TTLL7: variants seen among roughly 807,000 people sequenced by gnomAD.
The protein encoded by TTLL7 is tubulin polyglutamylase TTLL7.
In TTLL7, 53 loss-of-function variants were observed where a neutral mutation model predicts 120.2. That is an observed-to-expected ratio of 0.44 (90% CI 0.35 to 0.55). TTLL7 has a LOEUF of 0.55. TTLL7 is among the 20% of genes least tolerant of loss of function. TTLL7 has a pLI of 0.00. For missense variants in TTLL7, 803 were observed against 1,054.7 expected, an observed-to-expected ratio of 0.76 and a Z score of 3.31; for synonymous variants, 353 against 351.7, an observed-to-expected ratio of 1.00 and a Z score of -0.04.
Position 83,990,573 on chromosome 1 carries a change from A to G in TTLL7, c.-177+8358T>C, listed in dbSNP as rs576476414. On this transcript the variant is annotated intron_variant, in intron 1 of 20. Coordinates refer to ENST00000260505, the MANE Select transcript of TTLL7 (RefSeq NM_024686.6). ...CTAATGCCTTGAATAGAAAGAGGAT[A>G]TACAAATGACCAATAAGCAAATGAA... 9.8e-5 allele frequency among the ~76,000 whole-genome samples: 15 copies of G among 152,392 alleles called. 1 individual carries two copies. In the East Asian group the frequency reaches 2.9e-3, roughly 29 times the overall value.
intron 1 of TTLL7, among the ~76,000 whole-genome samples, chr1:83,961,995 T>G (rs904895448): frequency 6.6e-6 from 1 of 152,100 alleles, no homozygotes; most frequent in Admixed American, 6.6e-5. Flanking sequence ...GAGTTGAAAC[T>G]TAGGGTCTGT....
At chr1:83,923,388 A>C (rs1399379297) in intron 10 of TTLL7, among the ~76,000 whole-genome samples, 1 of 152,020 alleles carries the variant, frequency 6.6e-6, no homozygotes, top group South Asian at 2.1e-4. Flanking sequence ...GGAAGCAAAA[A>C]AAGGGAATGA....
At chr1:83,974,026 T>C (rs1459725597) in intron 1 of TTLL7, among the ~76,000 whole-genome samples, 1 of 152,030 alleles carries the variant, frequency 6.6e-6, no homozygotes, top group African/African-American at 2.4e-5. Flanking sequence ...ACTCTATATA[T>C]GTTTTACCTC....
chr1:83,924,117 G>A (rs1048409041), intron 10 of TTLL7, among the ~76,000 whole-genome samples: 1 of 152,040 alleles, frequency 6.6e-6, no homozygotes, highest in African/African-American at 2.4e-5. Context: ...TATGGCCCTG[G>A]GGATACAAAA....
intron 18 of TTLL7, among the ~76,000 whole-genome samples, chr1:83,891,852 A>T (rs1655503577): frequency 6.6e-6 from 1 of 151,542 alleles, no homozygotes; most frequent in Admixed American, 6.6e-5. Flanking sequence ...TTTTGAGGCA[A>T]GGTCTCGCTC....
intron 20 of TTLL7, among the ~76,000 whole-genome samples, chr1:83,872,107 C>T (rs190040931): frequency 3.1e-4 from 47 of 152,112 alleles, no homozygotes; most frequent in Admixed American, 1.2e-3. Context: ...TCAAACTATA[C>T]GCAGCATTCA....
At position 83,921,099 on chromosome 1, in the gene TTLL7, A is replaced by G. The variant is rs1658613639; in HGVS notation, c.1352T>C (p.Met451Thr). 6.2e-7 allele frequency: 1 copy of G among 1,612,736 alleles called. No homozygotes were observed. Among genetic ancestry groups the G allele is most frequent in the Admixed American group, 1.7e-5 (1 of 59,822 alleles). ...GCAGCACAGTTACCTATAATTCCCC[A>G]TATGTCGATTTTCATGTTCTTCTCG... ...ISREEHENRH[M>T]GNYRRIYPPE... The change falls in exon 12 of 21, where the codon ATG becomes ACG. Residue 451 changes from methionine (M) to threonine (T), a missense_variant. By Grantham distance (81) the Met-to-Thr change is moderately conservative. Coordinates refer to ENST00000260505, the MANE Select transcript of TTLL7 (RefSeq NM_024686.6).
At chr1:83,996,143 T>A (rs889296154) in intron 1 of TTLL7, among the ~76,000 whole-genome samples, 1 of 152,248 alleles carries the variant, frequency 6.6e-6, no homozygotes, top group African/African-American at 2.4e-5. Context: ...TTCCTTTTTA[T>A]ATTCTTAAAC....
At chr1:83,939,779 C>A (rs1051143453) in intron 7 of TTLL7, among the ~76,000 whole-genome samples, 41 of 151,962 alleles carry the variant, frequency 2.7e-4, no homozygotes, top group Admixed American at 1.2e-3. Flanking sequence ...ACATTTAATT[C>A]TTATAGAAAT....
rs1358918946 is a variant in TTLL7, at chr1:83,866,668, G to A, written c.*3294C>T. 4.0e-5 allele frequency: 6 copies of A among 151,822 alleles called. No individual in the cohort carries two copies. The highest frequency in any genetic ancestry group is 8.9e-5 in the Non-Finnish European group (6 of 67,788). 9.4% of individuals were successfully genotyped at this position (151,822 alleles called of 1,614,324 possible). ...GACATTCAACTATGTTCTAGGCAGA[G>A]TTACCATTGCCATTTCCATATTTGA... On this transcript the variant is annotated 3_prime_UTR_variant, in exon 21 of 21. Transcript: ENST00000260505.
chr1:83,942,691 G>GA lies in TTLL7; in HGVS notation c.507-13dup, dbSNP rs2100842433. The GA allele has an allele frequency of 1.3e-6, 2 of 1,580,100 alleles. No individual in the cohort carries two copies. The highest frequency in any genetic ancestry group is 1.7e-6 in the Non-Finnish European group (2 of 1,157,934). On this transcript the variant is annotated splice_polypyrimidine_tract_variant and intron_variant, in intron 6 of 20. Transcript: ENST00000260505. ...TTATCAAAGAAATCCTATGTTTAAA[G>GA]AAAAAAATTAAAAGAATGATTTGAC...
rs769961367 is a variant in TTLL7, at chr1:83,865,807, A to T, written c.*4155T>A. The T allele has an allele frequency of 2.1e-4, 32 of 152,142 alleles. No individual in the cohort carries two copies. In the Middle Eastern group the frequency reaches 0.017, roughly 81 times the overall value. The allele number at this position is 152,142 out of a possible 1,614,324, so 9.4% of individuals were successfully genotyped here. On this transcript the variant is annotated 3_prime_UTR_variant, in exon 21 of 21. Coordinates refer to ENST00000260505, the MANE Select transcript of TTLL7 (RefSeq NM_024686.6). Reference sequence around the variant, plus strand: ...AATGCAAGGAAAACCAATGTTTAAAAGGCAGAATTTCTCTTTTCTTGAGGC... The same window carrying T: ...AATGCAAGGAAAACCAATGTTTAAATGGCAGAATTTCTCTTTTCTTGAGGC...
chr1:83,956,602 G>T (rs888661126), intron 1 of TTLL7, among the ~76,000 whole-genome samples: 8 of 151,968 alleles, frequency 5.3e-5, no homozygotes, highest in African/African-American at 1.5e-4. Context: ...TAATTGTTTT[G>T]TATTTTTAGT....
intron 9 of TTLL7, among the ~76,000 whole-genome samples, chr1:83,929,616 T>C (rs912236772): frequency 6.6e-6 from 1 of 152,152 alleles, no homozygotes; most frequent in African/African-American, 2.4e-5. Flanking sequence ...AACACAGTAA[T>C]AATTATATCA....
chr1:83,921,337 G>A lies in TTLL7; in HGVS notation c.1200C>T (p.Leu400=). The part of the protein sequence containing the change: ...AKQKAEAQRR[L]YGQNSIKRLL... ...GCCTTTTAATTGAATTTTGACCATA[G>A]AGCCTCCTTTGAGCCTCAGCTTTTT... Residue 400 remains leucine, a synonymous_variant, in exon 11 of 21, where the codon CTC becomes CTT. Coordinates refer to ENST00000260505, the MANE Select transcript of TTLL7 (RefSeq NM_024686.6). 2 of 1,612,420 alleles carry A rather than the reference G, an allele frequency of 1.2e-6. No homozygotes were observed. Among genetic ancestry groups the A allele is most frequent in the Non-Finnish European group, 1.7e-6 (2 of 1,179,752 alleles).
chr1:83,975,254 C>A (rs987989080), intron 1 of TTLL7, among the ~76,000 whole-genome samples: 1 of 152,082 alleles, frequency 6.6e-6, no homozygotes. Context: ...TGGCTCCCAG[C>A]CCCAAACTTT....
intron 16 of TTLL7, among the ~76,000 whole-genome samples, chr1:83,906,953 A>G (rs1383944824): frequency 2.0e-5 from 3 of 152,062 alleles, no homozygotes; most frequent in South Asian, 2.1e-4. Context: ...TAAATTCACT[A>G]CTTTCTAAAT....
At chr1:83,927,469 G>A (rs1266211813) in intron 10 of TTLL7, among the ~76,000 whole-genome samples, 1 of 152,124 alleles carries the variant, frequency 6.6e-6, no homozygotes, top group African/African-American at 2.4e-5. Flanking sequence ...GGCATTCAGA[G>A]TAGAGAACAG....
intron 15 of TTLL7, among the ~76,000 whole-genome samples, chr1:83,908,800 A>G (rs1348528889): frequency 6.6e-6 from 1 of 151,958 alleles, no homozygotes; most frequent in African/African-American, 2.4e-5. Flanking sequence ...ATTTCTCTTC[A>G]TTAGCTGTTG....
Sources: gnomAD v4.1 joint callset for allele counts (sites outside exome capture counted in the v4.1 genomes callset) on GRCh38, gnomAD v4.1.1 for gene constraint, MANE v1.5 for transcripts, NCBI Gene and HGNC (gene_info 2026-07-23, HGNC 2026-07-21) for gene names.